Variants in PLEKHG4B observed in about 807,000 individuals in gnomAD.
PLEKHG4B encodes pleckstrin homology and RhoGEF domain containing G4B.
PLEKHG4B carries 111 observed loss-of-function variants against 121.3 expected under a neutral mutation model. That is an observed-to-expected ratio of 0.92 (90% CI 0.78 to 1.07). The LOEUF (loss-of-function observed/expected upper bound fraction) is 1.07, where lower values mean the gene tolerates loss of function less well. Among genes scored for constraint, PLEKHG4B ranks in the 50% least tolerant of loss-of-function variants. The pLI is 0.00. For missense variants in PLEKHG4B, 1,831 were observed against 1,757.8 expected (o/e 1.04, Z -0.74); for synonymous variants, 738 against 725.0 (o/e 1.02, Z -0.29).
intron 2 of PLEKHG4B, among the ~76,000 whole-genome samples, chr5:129,014 A>G (rs923484750): frequency 6.6e-6 from 1 of 152,202 alleles, no homozygotes; most frequent in South Asian, 2.1e-4. Flanking sequence ...TAAGATACCA[A>G]ATCTGAACCT....
rs1735022392 is a variant in PLEKHG4B at position 137,611 on chromosome 5, A to G, written c.244-1872A>G. On this transcript the variant is annotated intron_variant, in intron 2 of 19. Transcript: ENST00000637938. This position sits in a 1 kb window ranked among gnomAD's most constrained non-coding sequence, Gnocchi z 4.2. ...GTAGAGACCTGTAGACCCCTGTGGGAGGGCAAAAGGCATGAAAGGCTCCAA... is the reference window on the plus strand; with the variant it reads ...GTAGAGACCTGTAGACCCCTGTGGGGGGGCAAAAGGCATGAAAGGCTCCAA... 6.6e-6 allele frequency among the ~76,000 whole-genome samples: 1 copy of G among 152,190 alleles called. No homozygotes were observed. Among genetic ancestry groups the G allele is most frequent in the Non-Finnish European group, 1.5e-5 (1 of 68,036 alleles).
Position 182,306 on chromosome 5 carries a change from C to T in PLEKHG4B, c.4867C>T (p.Arg1623Cys), listed in dbSNP as rs765464969. The change falls in exon 20 of 20, where the codon CGC becomes TGC. Residue 1623 changes from arginine to cysteine, a missense_variant. Coordinates refer to ENST00000637938, the MANE Select transcript of PLEKHG4B (RefSeq NM_052909.5). ...GGGGGCTCCTGCTGTGCTGCTGAGC[C>T]GCACACGCCAGGCCTGATGACTGTC... ...CEGAPAVLLS[R>C]TRQA 72 of 1,607,438 alleles carry T rather than the reference C, an allele frequency of 4.5e-5. 1 individual carries two copies. Among genetic ancestry groups the T allele is most frequent in the South Asian group, 2.9e-4 (26 of 90,386 alleles).
rs368270105 is a variant in PLEKHG4B, at chr5:188,977, C to G, written c.*6654C>G. On this transcript the variant is annotated 3_prime_UTR_variant, in exon 20 of 20. Transcript: ENST00000637938. ...GTAACAGCAGTTTTTCTTCTGACAG[C>G]TGGGATGGAGGTGGGTCCTCCAGGG... 1 of 152,408 alleles carries G rather than the reference C, an allele frequency of 6.6e-6. No homozygotes were observed. The highest frequency in any genetic ancestry group is 1.9e-4 in the East Asian group (1 of 5,188). 9.4% of individuals were successfully genotyped at this position (152,408 alleles called of 1,614,324 possible).
At chr5:110,295 C>A (rs1249601425) in intron 1 of PLEKHG4B, among the ~76,000 whole-genome samples, 1 of 148,214 alleles carries the variant, frequency 6.7e-6, no homozygotes, top group Non-Finnish European at 1.5e-5. Context: ...CATACACCCA[C>A]ACAATCTGCA....
chr5:94,107 A>C (rs1440650471), intron 1 of PLEKHG4B, among the ~76,000 whole-genome samples: 1 of 152,258 alleles, frequency 6.6e-6, no homozygotes, highest in Non-Finnish European at 1.5e-5. Flanking sequence ...ACACCTGCCC[A>C]GCATCTCACT....
rs1736622803 is a variant in PLEKHG4B at position 173,075 on chromosome 5, C to G, written c.4221+8C>G. The G allele has an allele frequency of 6.2e-7, 1 of 1,613,160 alleles. No individual in the cohort carries two copies. ...TACAAGCAGTCCTTCAAGGTAGCACCCGCCCGGTCCGATTGGGTGCAGGCC... is the reference window on the plus strand; with the variant it reads ...TACAAGCAGTCCTTCAAGGTAGCACGCGCCCGGTCCGATTGGGTGCAGGCC... On this transcript the variant is annotated splice_region_variant and intron_variant, in intron 17 of 19. Coordinates refer to ENST00000637938, the MANE Select transcript of PLEKHG4B (RefSeq NM_052909.5).
chr5:131,202 C>T (rs1377506010), intron 2 of PLEKHG4B, among the ~76,000 whole-genome samples: 1 of 151,478 alleles, frequency 6.6e-6, no homozygotes, highest in African/African-American at 2.4e-5. Flanking sequence ...TGTTAGTTTG[C>T]TGCACCCATC....
chr5:131,488 C>T (rs10214348), intron 2 of PLEKHG4B, among the ~76,000 whole-genome samples: 27,771 of 151,940 alleles, frequency 0.18, 3,445 homozygotes, highest in African/African-American at 0.35. Flanking sequence ...GTATATGTGC[C>T]ACATTTTCTT....
chr5:131,347 G>A lies in PLEKHG4B; in HGVS notation c.244-8136G>A, dbSNP rs548633226. 3.3e-5 allele frequency among the ~76,000 whole-genome samples: 5 copies of A among 152,304 alleles called. No individual in the cohort carries two copies. In the South Asian group the frequency reaches 1.0e-3, roughly 32 times the overall value. ...CATTGTTCAATTCCCACCTATGACAGGGAACATGCAGTGTTTGGTTTTCTG... is the reference window on the plus strand; with the variant it reads ...CATTGTTCAATTCCCACCTATGACAAGGAACATGCAGTGTTTGGTTTTCTG... On this transcript the variant is annotated intron_variant, in intron 2 of 19. Coordinates refer to ENST00000637938, the MANE Select transcript of PLEKHG4B (RefSeq NM_052909.5).
At chr5:176,335 C>T (rs1484605244) in intron 18 of PLEKHG4B, among the ~76,000 whole-genome samples, 1 of 152,204 alleles carries the variant, frequency 6.6e-6, no homozygotes, top group Admixed American at 6.5e-5. Context: ...TCCCTGGGGT[C>T]GATCTGTCCA....
At chr5:163,954 A>T (rs533625156) in intron 13 of PLEKHG4B, among the ~76,000 whole-genome samples, 12 of 152,248 alleles carry the variant, frequency 7.9e-5, no homozygotes, top group Non-Finnish European at 1.8e-4. Context: ...CCATGCGCCC[A>T]TTGCCCCACT....
chr5:161,806 G>A lies in PLEKHG4B; in HGVS notation c.2511G>A (p.Gln837=). Residue 837 remains glutamine (Q), a synonymous_variant, in exon 12 of 20, where the codon CAG becomes CAA. Coordinates refer to ENST00000637938, the MANE Select transcript of PLEKHG4B (RefSeq NM_052909.5). Reference sequence around the variant, plus strand: ...AGCAATCCTGCCAGAAAGGACTACAGCTGGCGAAGGAGAACCCGCAACGTA... The same window carrying A: ...AGCAATCCTGCCAGAAAGGACTACAACTGGCGAAGGAGAACCCGCAACGTA... The part of the protein sequence containing the change: ...NDQQSCQKGL[Q]LAKENPQRTE... 1 of 1,613,838 alleles carries A rather than the reference G, an allele frequency of 6.2e-7. No individual in the cohort carries two copies. Among genetic ancestry groups the A allele is most frequent in the East Asian group, 2.2e-5 (1 of 44,878 alleles).
rs1425036754 is a variant in PLEKHG4B at position 140,061 on chromosome 5, G to A, written c.822G>A (p.Leu274=). The A allele has an allele frequency of 2.3e-6, 1 of 441,016 alleles. No individual in the cohort carries two copies. The highest frequency in any genetic ancestry group is 4.0e-6 in the Non-Finnish European group (1 of 251,500). The allele number at this position is 441,016 out of a possible 1,614,324, so 27.3% of individuals were successfully genotyped here. A position where few individuals can be genotyped will look rare whatever the true frequency, so the allele number is the denominator to read the frequency against. The change falls in exon 3 of 20, where the codon CTG becomes CTA. Residue 274 remains leucine (L), a synonymous_variant. Coordinates refer to ENST00000637938, the MANE Select transcript of PLEKHG4B (RefSeq NM_052909.5). ...RHLPYPERAE[L]GSPRTLSGSS... The stretch of plus-strand genomic sequence containing the variant: ...TTCCTTATCCAGAAAGAGCCGAGCT[G>A]GGAAGCCCCAGGACCCTGTCTGGAA...
At chr5:143,757 C>T (rs1246029937) in intron 5 of PLEKHG4B, among the ~76,000 whole-genome samples, 1 of 152,232 alleles carries the variant, frequency 6.6e-6, no homozygotes, top group African/African-American at 2.4e-5. Flanking sequence ...ACAGGGCACA[C>T]TCACTCTTTG....
At chr5:136,991 A>G (rs1011723814) in intron 2 of PLEKHG4B, among the ~76,000 whole-genome samples, 13 of 152,256 alleles carry the variant, frequency 8.5e-5, no homozygotes, top group African/African-American at 2.9e-4. Flanking sequence ...AATGTAGTCT[A>G]TACACATAAT....
Position 119,852 on chromosome 5 carries a change from G to A in PLEKHG4B, c.243+6404G>A, listed in dbSNP as rs144661725. Among the ~76,000 whole-genome samples the A allele has an allele frequency of 5.5e-4, 84 of 152,316 alleles. 1 individual carries two copies. The Middle Eastern group carries it at 0.014, about 25-fold the overall frequency. ...GAATCTGAAGGAGCCTTGAATGCAC[G>A]TGGATCTTCTCTACCAAGTAATTCT... On this transcript the variant is annotated intron_variant, in intron 2 of 19. Coordinates refer to ENST00000637938, the MANE Select transcript of PLEKHG4B (RefSeq NM_052909.5).
At chr5:103,844 T>A (rs540110112) in intron 1 of PLEKHG4B, among the ~76,000 whole-genome samples, 2 of 152,354 alleles carry the variant, frequency 1.3e-5, no homozygotes, top group Non-Finnish European at 2.9e-5. Flanking sequence ...TTGTACCTCT[T>A]AACTAACTTC....
chr5:105,893 G>A (rs187950308), intron 1 of PLEKHG4B, among the ~76,000 whole-genome samples: 163 of 152,328 alleles, frequency 1.1e-3, no homozygotes, highest in African/African-American at 3.8e-3. Context: ...CCCATGAGCC[G>A]AGCACGCACC....
intron 1 of PLEKHG4B, among the ~76,000 whole-genome samples, chr5:103,181 G>T (rs996586322): frequency 1.3e-5 from 2 of 152,202 alleles, no homozygotes; most frequent in Non-Finnish European, 2.9e-5. Flanking sequence ...TGCTGTGTGT[G>T]AAGTCAGATG....
Sources: gnomAD v4.1 joint callset for allele counts (sites outside exome capture counted in the v4.1 genomes callset) on GRCh38, gnomAD v4.1.1 for gene constraint, Gnocchi (gnomAD v3.1) non-coding constraint, MANE v1.5 for transcripts, NCBI Gene and HGNC (gene_info 2026-07-23, HGNC 2026-07-21) for gene names.